The following GIN1 variants were observed in gnomAD, a reference collection of about 807,000 sequenced individuals.
GIN1 encodes gypsy retrotransposon integrase 1.
Under a neutral mutation model 51.4 loss-of-function variants are expected in GIN1, and 41 were observed. The observed-to-expected ratio is 0.80, with a 90% CI of 0.62 to 1.04. The LOEUF is 1.04. Ranked by LOEUF, GIN1 falls within the 50% of genes least tolerant of loss-of-function variation. The pLI, the probability that GIN1 is intolerant of heterozygous loss-of-function variation, is 0.00. For synonymous variants in GIN1, 222 were observed against 206.5 expected, an observed-to-expected ratio of 1.07 and a Z score of -0.64; for missense variants, 610 against 612.4, an observed-to-expected ratio of 1.00 and a Z score of 0.04.
rs1554195112 is a variant in GIN1 at position 103,096,699 on chromosome 5, T to C, written c.1136A>G (p.Lys379Arg). Residue 379 changes from lysine to arginine, a missense_variant, in exon 7 of 8, where the codon AAG becomes AGG. Coordinates refer to ENST00000399004, the MANE Select transcript of GIN1 (RefSeq NM_017676.2). ...EVLRQRKNWWKDGRFQSEWVG... is the reference protein window; with the variant it reads ...EVLRQRKNWWRDGRFQSEWVG... ...CCATTCAGACTGAAAACGACCATCC[T>C]TCCACCAATTTTTCCTTTGTCTTAA... The C allele has an allele frequency of 3.7e-6, 6 of 1,614,108 alleles. No homozygotes were observed. The highest frequency in any genetic ancestry group is 4.2e-6 in the Non-Finnish European group (5 of 1,179,972).
intron 7 of GIN1, among the ~76,000 whole-genome samples, chr5:103,091,675 G>T (rs73197886): frequency 0.017 from 2,563 of 149,298 alleles, 66 homozygotes; most frequent in African/African-American, 0.06. Context: ...TCTAATGTAG[G>T]TTTTTTTTTT....
At chr5:103,118,194 A>AT (rs1385042048) in intron 1 of GIN1, among the ~76,000 whole-genome samples, 3 of 152,018 alleles carry the variant, frequency 2.0e-5, no homozygotes, top group Non-Finnish European at 2.9e-5. Flanking sequence ...TTTTGAAAAC[A>AT]TTACAGTTCA....
intron 7 of GIN1, among the ~76,000 whole-genome samples, chr5:103,090,607 T>C (rs1428226206): frequency 2.0e-5 from 3 of 152,154 alleles, no homozygotes; most frequent in African/African-American, 4.8e-5. Flanking sequence ...ATTTAAGAAA[T>C]GCCCAAAGAC....
chr5:103,119,893 G>T (rs1788350212), intron 1 of GIN1, among the ~76,000 whole-genome samples, 171 bp downstream of exon 1: 2 of 152,154 alleles, frequency 1.3e-5, no homozygotes, highest in South Asian at 4.1e-4. Context: ...GCGGGACATC[G>T]CAACGCCCAA....
chr5:103,087,537 C>T lies in GIN1; in HGVS notation c.*361G>A, dbSNP rs1554194015. 6.3e-6 allele frequency: 1 copy of T among 157,570 alleles called. No homozygotes were observed. Among genetic ancestry groups the T allele is most frequent in the African/African-American group, 2.4e-5 (1 of 41,642 alleles). 9.8% of individuals were successfully genotyped at this position (157,570 alleles called of 1,614,324 possible). A position where few individuals can be genotyped will look rare whatever the true frequency, so the allele number is the denominator to read the frequency against. On this transcript the variant is annotated 3_prime_UTR_variant, in exon 8 of 8. Coordinates refer to ENST00000399004, the MANE Select transcript of GIN1 (RefSeq NM_017676.2). ...TCAATTCCATTCAAGGTAGTTCAAA[C>T]TTACTGTTTAAATGGTAGAGAATTT...
At chr5:103,115,588 T>C (rs547469488) in intron 1 of GIN1, among the ~76,000 whole-genome samples, 1 of 152,022 alleles carries the variant, frequency 6.6e-6, no homozygotes, top group South Asian at 2.1e-4. Flanking sequence ...ATGAAAAGAG[T>C]TCTTGGGATG....
chr5:103,086,880 TTTA>T lies in GIN1; in HGVS notation c.*1015_*1017del, dbSNP rs1787088641. On this transcript the variant is annotated 3_prime_UTR_variant, in exon 8 of 8. Coordinates refer to ENST00000399004, the MANE Select transcript of GIN1 (RefSeq NM_017676.2). ...TAAATATTTATTGAACAATATTTATTTTATATTTATGAATATCATAGAAATTAC... is the reference window on the plus strand; with the variant it reads ...TAAATATTTATTGAACAATATTTATTTATTTATGAATATCATAGAAATTAC... The T allele has an allele frequency of 6.6e-6, 1 of 152,216 alleles. No individual in the cohort carries two copies. The highest frequency in any genetic ancestry group is 1.9e-4 in the East Asian group (1 of 5,196). 9.4% of individuals were successfully genotyped at this position (152,216 alleles called of 1,614,324 possible).
chr5:103,111,059 T>C (rs1787867998), intron 1 of GIN1, among the ~76,000 whole-genome samples: 1 of 151,996 alleles, frequency 6.6e-6, no homozygotes. Context: ...AACTTTTACT[T>C]CCTAATCAAT....
At chr5:103,104,401 A>G (rs1187134578) in intron 4 of GIN1, 140 bp downstream of exon 4, 6 of 564,156 alleles carry the variant, frequency 1.1e-5, no homozygotes, top group Non-Finnish European at 1.9e-5. Flanking sequence ...TCCTTGTAGT[A>G]TTTAATATCA....
At position 103,106,131 on chromosome 5, in the gene GIN1, G is replaced by A. The variant is rs79157969; in HGVS notation, c.333+585C>T. Among the ~76,000 whole-genome samples, 885 of 152,230 alleles carry A rather than the reference G, an allele frequency of 5.8e-3. 5 individuals are homozygous for A. Among genetic ancestry groups the A allele is most frequent in the African/African-American group, 0.02 (848 of 41,556 alleles). On this transcript the variant is annotated intron_variant, in intron 3 of 7. Transcript: ENST00000399004. ...CAGTACACTGGAAAGAGTAGAATCA[G>A]CTGACTTCCAGCAAGAACCCCAAAA...
intron 1 of GIN1, among the ~76,000 whole-genome samples, chr5:103,118,042 A>T (rs1467358853): frequency 6.6e-6 from 1 of 152,234 alleles, no homozygotes; most frequent in East Asian, 1.9e-4. Flanking sequence ...GAGTTTATTA[A>T]TTTTTTATGT....
chr5:103,101,962 T>C (rs1787586998), intron 4 of GIN1, among the ~76,000 whole-genome samples: 1 of 152,220 alleles, frequency 6.6e-6, no homozygotes, highest in African/African-American at 2.4e-5. Context: ...CTTGCCTTCA[T>C]TTACAAAATT....
chr5:103,106,716 C>G lies in GIN1; in HGVS notation c.333G>C (p.Trp111Cys). 1.3e-6 allele frequency: 2 copies of G among 1,541,896 alleles called. No individual in the cohort carries two copies. The highest frequency in any genetic ancestry group is 8.9e-7 in the Non-Finnish European group (1 of 1,127,876). ...WTSVTNDVKQWVYACQHCQVA... is the reference protein window; with the variant it reads ...WTSVTNDVKQCVYACQHCQVA... The stretch of plus-strand genomic sequence containing the variant: ...AATACTCTAAATACATAAGCCATAC[C>G]CACTGTTTGACATCATTGGTCACAG... The change falls in exon 3 of 8, where the codon TGG (tryptophan) becomes TGC (cysteine). Residue 111 changes from tryptophan to cysteine, a missense_variant and splice_region_variant. Coordinates refer to ENST00000399004, the MANE Select transcript of GIN1 (RefSeq NM_017676.2).
At position 103,087,347 on chromosome 5, in the gene GIN1, C is replaced by T. The variant is rs1401088130; in HGVS notation, c.*551G>A. 6.6e-6 allele frequency: 1 copy of T among 152,140 alleles called. No individual in the cohort carries two copies. The highest frequency in any genetic ancestry group is 1.5e-5 in the Non-Finnish European group (1 of 68,016). The allele number at this position is 152,140 out of a possible 1,614,324, so 9.4% of individuals were successfully genotyped here. On this transcript the variant is annotated 3_prime_UTR_variant, in exon 8 of 8. Coordinates refer to ENST00000399004, the MANE Select transcript of GIN1 (RefSeq NM_017676.2). ...CCCAACCAATACATAGTTTCAGACC[C>T]TAATCCTGACCCTATCTAACCAATT...
intron 4 of GIN1, among the ~76,000 whole-genome samples, chr5:103,098,464 G>C (rs1205780921): frequency 6.6e-6 from 1 of 152,100 alleles, no homozygotes; most frequent in Non-Finnish European, 1.5e-5. Flanking sequence ...TTAACTTTGA[G>C]TTTAATTTTT....
chr5:103,090,440 C>A (rs1036404271), intron 7 of GIN1, among the ~76,000 whole-genome samples: 2 of 152,162 alleles, frequency 1.3e-5, no homozygotes, highest in African/African-American at 2.4e-5. Context: ...ACTGTTAATA[C>A]GAGAGAAGGC....
chr5:103,113,065 A>C (rs1369245571), intron 1 of GIN1, among the ~76,000 whole-genome samples: 1 of 152,080 alleles, frequency 6.6e-6, no homozygotes, highest in Non-Finnish European at 1.5e-5. Context: ...TAGAACCTTG[A>C]ACTTTATTCC....
chr5:103,097,357 T>C lies in GIN1; in HGVS notation c.965A>G (p.Glu322Gly). 6.2e-7 allele frequency: 1 copy of C among 1,600,434 alleles called. No homozygotes were observed. Among genetic ancestry groups the C allele is most frequent in the Non-Finnish European group, 8.6e-7 (1 of 1,168,260 alleles). The stretch of plus-strand genomic sequence containing the variant: ...CTTATTCTCCATTATTTTATCAGCT[T>C]CTTTAATTGCATCTAGAATTTTGGC... The part of the protein sequence containing the change: ...MFAKILDAIK[E>G]ADKIMENKTT... The change falls in exon 6 of 8, where the codon GAA becomes GGA. Residue 322 changes from glutamate to glycine, a missense_variant. Glu to Gly is a moderately conservative substitution (Grantham distance 98). Transcript: ENST00000399004.
chr5:103,111,170 G>T (rs941038347), intron 1 of GIN1, among the ~76,000 whole-genome samples: 1 of 148,664 alleles, frequency 6.7e-6, no homozygotes. Flanking sequence ...TGCATTAATC[G>T]TCCTCAACTC....
Sources: allele counts gnomAD v4.1 joint callset (sites outside exome capture counted in the v4.1 genomes callset), GRCh38; gene constraint gnomAD v4.1.1; transcripts MANE v1.5; gene names NCBI Gene and HGNC (gene_info 2026-07-23, HGNC 2026-07-21).